The following SMAD1 variants were observed in gnomAD, a reference collection of about 807,000 sequenced individuals.
SMAD1 encodes MAD, mothers against decapentaplegic homolog 1.
Under a neutral mutation model 41.6 loss-of-function variants are expected in SMAD1, and 6 were observed. The observed-to-expected ratio is 0.14, with a 90% CI of 0.08 to 0.28. SMAD1 has a LOEUF of 0.28. Ranked by LOEUF, SMAD1 falls within the 10% of genes least tolerant of loss-of-function variation. The pLI is 1.00. For synonymous variants in SMAD1, 206 were observed against 203.2 expected, an observed-to-expected ratio of 1.01 and a Z score of -0.12; for missense variants, 379 against 582.6, an observed-to-expected ratio of 0.65 and a Z score of 3.60.
chr4:145,545,948 T>C (rs1732226339), intron 4 of SMAD1: 2 of 152,222 alleles, frequency 1.3e-5, no homozygotes. Flanking sequence ...CTGCATCCTG[T>C]CAGTAAAGTT....
chr4:145,497,376 A>G (rs1299896328), intron 1 of SMAD1: 1 of 152,220 alleles, frequency 6.6e-6, no homozygotes, highest in Non-Finnish European at 1.5e-5. Context: ...GAGCCTGAAC[A>G]GGCGGTCCTG....
At chr4:145,539,186 G>A (rs1731784546) in intron 2 of SMAD1, among the ~76,000 whole-genome samples, 1 of 152,160 alleles carries the variant, frequency 6.6e-6, no homozygotes, top group Non-Finnish European at 1.5e-5. Context: ...TGTTCATAAA[G>A]TGTGACTCCT....
At chr4:145,496,168 A>G (rs1316792800) in intron 1 of SMAD1, among the ~76,000 whole-genome samples, 1 of 152,068 alleles carries the variant, frequency 6.6e-6, no homozygotes, top group Non-Finnish European at 1.5e-5. Context: ...AAGGAAAGCA[A>G]TAGCAAAAAC....
intron 5 of SMAD1, among the ~76,000 whole-genome samples, chr4:145,552,628 T>C (rs1205132271): frequency 6.6e-6 from 1 of 152,108 alleles, no homozygotes; most frequent in African/African-American, 2.4e-5. Context: ...CTAGTTTCAT[T>C]TTCATGTTTT....
chr4:145,523,251 C>T (rs1311128960), intron 2 of SMAD1, among the ~76,000 whole-genome samples: 1 of 152,128 alleles, frequency 6.6e-6, no homozygotes, highest in Non-Finnish European at 1.5e-5. Context: ...GAGGTGTGGA[C>T]AGAGACTGCG....
chr4:145,528,088 C>T (rs867596729), intron 2 of SMAD1, among the ~76,000 whole-genome samples: 1 of 140,592 alleles, frequency 7.1e-6, no homozygotes. Context: ...CACACACACA[C>T]ACACATACAC....
In SMAD1 at chr4:145,558,343, T is replaced by C. The variant is rs1467428373; in HGVS notation, c.*409T>C. On this transcript the variant is annotated 3_prime_UTR_variant, in exon 7 of 7. Transcript: ENST00000302085. The stretch of plus-strand genomic sequence containing the variant: ...AATAGTTGTTCTGAAACGTGTTTTA[T>C]CAGGTTTAGAGCCCATGTTGAGTCT... 6.6e-6 allele frequency among the ~76,000 whole-genome samples: 1 copy of C among 152,224 alleles called. No homozygotes were observed. The highest frequency in any genetic ancestry group is 2.4e-5 in the African/African-American group (1 of 41,462).
At chr4:145,541,100 A>G (rs1472940744) in intron 3 of SMAD1, among the ~76,000 whole-genome samples, 2 of 151,940 alleles carry the variant, frequency 1.3e-5, no homozygotes, top group Non-Finnish European at 2.9e-5. Context: ...CTTCCTGTCT[A>G]CCTCTCTCCC....
chr4:145,552,840 T>C (rs1732624095), intron 5 of SMAD1, among the ~76,000 whole-genome samples: 1 of 152,164 alleles, frequency 6.6e-6, no homozygotes, highest in African/African-American at 2.4e-5. Context: ...AAATATACTT[T>C]CAATGTGTGG....
At chr4:145,540,115 A>G (rs1212467719) in intron 3 of SMAD1, 54 bp downstream of exon 3, 4 of 1,597,462 alleles carry the variant, frequency 2.5e-6, no homozygotes, top group Admixed American at 1.7e-5. Context: ...GTGTTATCAC[A>G]GTGTCACGGA....
chr4:145,497,331 C>T (rs953947229), intron 1 of SMAD1: 8 of 152,188 alleles, frequency 5.3e-5, no homozygotes, highest in African/African-American at 1.7e-4. Context: ...GACTGTAGGT[C>T]GCTCTGTCTG....
At chr4:145,551,775 GA>G (rs1288080022) in intron 5 of SMAD1, among the ~76,000 whole-genome samples, 1 of 152,142 alleles carries the variant, frequency 6.6e-6, no homozygotes, top group Non-Finnish European at 1.5e-5. Context: ...GGTGAAATGA[GA>G]AAAGCATTCC....
intron 1 of SMAD1, among the ~76,000 whole-genome samples, chr4:145,506,527 A>G (rs1182080102): frequency 6.6e-6 from 1 of 152,134 alleles, no homozygotes; most frequent in Non-Finnish European, 1.5e-5. Flanking sequence ...TGAATTCCAT[A>G]CTGGTGCAAG....
intron 5 of SMAD1, among the ~76,000 whole-genome samples, chr4:145,553,342 C>A (rs1254853244): frequency 6.6e-6 from 1 of 152,138 alleles, no homozygotes; most frequent in Non-Finnish European, 1.5e-5. Context: ...GCACCAGGGA[C>A]CAGTTTCATG....
At chr4:145,510,530 T>C (rs1730021166) in intron 1 of SMAD1, among the ~76,000 whole-genome samples, 1 of 152,182 alleles carries the variant, frequency 6.6e-6, no homozygotes, top group Non-Finnish European at 1.5e-5. Flanking sequence ...AGTTTGGTTC[T>C]TTTCAATAAC....
intron 1 of SMAD1, among the ~76,000 whole-genome samples, chr4:145,501,606 G>C (rs1729441654): frequency 6.6e-6 from 1 of 150,702 alleles, no homozygotes; most frequent in South Asian, 2.1e-4. Flanking sequence ...AGAGAAATAT[G>C]TTCCAAAACA....
intron 1 of SMAD1, among the ~76,000 whole-genome samples, chr4:145,483,482 G>A (rs992899463): frequency 1.3e-5 from 2 of 152,182 alleles, no homozygotes; most frequent in Admixed American, 6.5e-5. Context: ...TAGGTGGACC[G>A]TGTTAAAAAA....
intron 1 of SMAD1, among the ~76,000 whole-genome samples, chr4:145,486,455 A>G (rs1403087397): frequency 6.6e-6 from 1 of 152,198 alleles, no homozygotes; most frequent in East Asian, 1.9e-4. Flanking sequence ...TTGCAAATTC[A>G]TTGGGGATTT....
At chr4:145,524,467 C>T (rs955558398) in intron 2 of SMAD1, among the ~76,000 whole-genome samples, 3 of 151,984 alleles carry the variant, frequency 2.0e-5, no homozygotes, top group African/African-American at 4.8e-5. Context: ...TGTTATACAT[C>T]GATGGAAGCA....
Sources: allele counts gnomAD v4.1 joint callset (sites outside exome capture counted in the v4.1 genomes callset), GRCh38; gene constraint gnomAD v4.1.1; transcripts MANE v1.5; gene names NCBI Gene and HGNC (gene_info 2026-07-23, HGNC 2026-07-21).